SYNJ2: variants seen among roughly 807,000 people sequenced by gnomAD.
SYNJ2 encodes synaptojanin 2, also known as polyphosphatidylinositol phosphatase SYNJ2.
In SYNJ2, 116 loss-of-function variants were observed where a neutral mutation model predicts 141.3. That is an observed-to-expected ratio of 0.82 (90% CI 0.71 to 0.96). The LOEUF is 0.96. Among genes scored for constraint, SYNJ2 ranks in the 40% least tolerant of loss-of-function variants. The pLI, the probability that SYNJ2 is intolerant of heterozygous loss-of-function variation, is 0.00. For synonymous variants in SYNJ2, 745 were observed against 777.7 expected, an observed-to-expected ratio of 0.96 and a Z score of 0.70; for missense variants, 1,873 against 1,934.8, an observed-to-expected ratio of 0.97 and a Z score of 0.60.
intron 3 of SYNJ2, among the ~76,000 whole-genome samples, chr6:158,031,891 C>T (rs964466087): frequency 6.6e-6 from 1 of 152,138 alleles, no homozygotes; most frequent in African/African-American, 2.4e-5. Flanking sequence ...TTCTCCTGAG[C>T]CCTGGTGATA....
chr6:158,065,078 C>T lies in SYNJ2; in HGVS notation c.1525+87C>T, dbSNP rs6931323. On this transcript the variant is annotated intron_variant, in intron 11 of 26. Coordinates refer to ENST00000355585, the MANE Select transcript of SYNJ2 (RefSeq NM_003898.4). ...CACCGCCTCTGTGCTATCCAGAGAGCGGGTGGCAGAGGTGCCTGGGATCTG... is the reference window on the plus strand; with the variant it reads ...CACCGCCTCTGTGCTATCCAGAGAGTGGGTGGCAGAGGTGCCTGGGATCTG... 1,128,316 of 1,426,866 alleles carry T rather than the reference C, an allele frequency of 0.79. 447,534 individuals carry two copies. Among genetic ancestry groups the T allele is most frequent in the African/African-American group, 0.91 (63,044 of 69,600 alleles). The allele number at this position is 1,426,866 out of a possible 1,614,324, so 88.4% of individuals were successfully genotyped here.
chr6:158,095,733 C>T lies in SYNJ2; in HGVS notation c.3860C>T (p.Pro1287Leu), dbSNP rs1313574482. 6.2e-7 allele frequency: 1 copy of T among 1,614,184 alleles called. No individual in the cohort carries two copies. The highest frequency in any genetic ancestry group is 1.3e-5 in the African/African-American group (1 of 75,046). The stretch of plus-strand genomic sequence containing the variant: ...ACAGCCCCTCGAGTCCCTCCTGTTC[C>T]CAAACCAAGAACATTTCAGCCTGGG... ...VVTAPRVPPV[P>L]KPRTFQPGKA... The change falls in exon 27 of 27, where the codon CCC (proline) becomes CTC (leucine). Residue 1287 changes from proline (P) to leucine (L), a missense_variant. By Grantham distance (98) the Pro-to-Leu change is moderately conservative. Transcript: ENST00000355585.
rs1048210230 is a variant in SYNJ2, at chr6:158,030,917, T to C, written c.485+1891T>C. On this transcript the variant is annotated intron_variant, in intron 3 of 26. Transcript: ENST00000355585. ...CTCAAAATAAATAAATAAAATAAAA[T>C]AAATAAAATCGTGAATCTCATGCTG... The C allele has an allele frequency of 4.1e-4, 63 of 152,070 alleles. 1 individual carries two copies. Among genetic ancestry groups the C allele is most frequent in the Non-Finnish European group, 1.5e-5 (1 of 68,020 alleles). The allele number at this position is 152,070 out of a possible 1,614,324, so 9.4% of individuals were successfully genotyped here.
intron 5 of SYNJ2, among the ~76,000 whole-genome samples, chr6:158,046,608 C>T: frequency 6.6e-6 from 1 of 152,152 alleles, no homozygotes; most frequent in Non-Finnish European, 1.5e-5. Context: ...AACCCAGGAG[C>T]CCAGCAGGAT....
intron 4 of SYNJ2, among the ~76,000 whole-genome samples, chr6:158,035,796 T>G (rs944750668): frequency 1.3e-5 from 2 of 152,128 alleles, no homozygotes; most frequent in African/African-American, 4.8e-5. Flanking sequence ...AAATGGCTCT[T>G]ATTAGTTTGA....
chr6:157,987,284 G>A (rs2128313609), intron 1 of SYNJ2, among the ~76,000 whole-genome samples: 1 of 151,910 alleles, frequency 6.6e-6, no homozygotes, highest in South Asian at 2.1e-4. Flanking sequence ...ACTGTGCTAG[G>A]CCAACAGATT....
chr6:157,988,968 C>T lies in SYNJ2; in HGVS notation c.127+6880C>T, dbSNP rs1046130931. 6.6e-5 allele frequency among the ~76,000 whole-genome samples: 10 copies of T among 152,116 alleles called. No individual in the cohort carries two copies. The South Asian group carries it at 8.3e-4, about 13-fold the overall frequency. ...GGTACTGCTTCTTTTCGAGATCTCA[C>T]GGGCAGGAGCCTTCTGGCACTGTTC... On this transcript the variant is annotated intron_variant, in intron 1 of 26. Transcript: ENST00000355585.
chr6:157,984,149 A>T (rs1777113608), intron 1 of SYNJ2, among the ~76,000 whole-genome samples: 1 of 152,190 alleles, frequency 6.6e-6, no homozygotes, highest in Non-Finnish European at 1.5e-5. Flanking sequence ...CTGAAAACTT[A>T]ATTTTTTAAA....
At chr6:158,026,259 C>A (rs573002078) in intron 2 of SYNJ2, among the ~76,000 whole-genome samples, 8 of 152,340 alleles carry the variant, frequency 5.3e-5, no homozygotes, top group Non-Finnish European at 1.5e-5. Context: ...AGCACCAGCT[C>A]TGGGGCCAGA....
intron 1 of SYNJ2, among the ~76,000 whole-genome samples, chr6:157,994,498 G>A (rs1442217797): frequency 6.6e-6 from 1 of 152,236 alleles, no homozygotes; most frequent in African/African-American, 2.4e-5. Context: ...CCAGGCCCTT[G>A]TAACAAGGCC....
intron 23 of SYNJ2, 60 bp from the exon 24 acceptor site, chr6:158,088,600 G>T: frequency 1.5e-6 from 2 of 1,312,756 alleles, no homozygotes. Context: ...GCTCCTGGCA[G>T]CTGGCTGGGA....
At chr6:158,057,372 C>T (rs918636421) in intron 6 of SYNJ2, among the ~76,000 whole-genome samples, 1 of 152,076 alleles carries the variant, frequency 6.6e-6, no homozygotes, top group African/African-American at 2.4e-5. Context: ...TTACCTGGGT[C>T]GGCAGGGCCT....
Position 158,063,838 on chromosome 6 carries a change from G to C in SYNJ2, c.1175G>C (p.Arg392Pro). The C allele has an allele frequency of 6.2e-7, 1 of 1,613,660 alleles. No individual in the cohort carries two copies. ...ATGAACTGTCTTGACTGCCTGGACCGAACCAACACTGTGCAGAGCTTCATC... is the reference window on the plus strand; with the variant it reads ...ATGAACTGTCTTGACTGCCTGGACCCAACCAACACTGTGCAGAGCTTCATC... ...LRMNCLDCLD[R>P]TNTVQSFIAL... Residue 392 changes from arginine (R) to proline (P), a missense_variant, in exon 9 of 27, where the codon CGA becomes CCA. Transcript: ENST00000355585.
At chr6:158,038,785 C>T (rs1000755594) in intron 4 of SYNJ2, among the ~76,000 whole-genome samples, 2 of 152,230 alleles carry the variant, frequency 1.3e-5, no homozygotes, top group South Asian at 2.1e-4. Flanking sequence ...CCAGGTGGTA[C>T]TTCCGATAGG....
rs1184832660 is a variant in SYNJ2 at position 158,096,114 on chromosome 6, C to T, written c.4241C>T (p.Pro1414Leu). The T allele has an allele frequency of 2.5e-6, 4 of 1,614,124 alleles. No homozygotes were observed. In the South Asian group the frequency reaches 3.3e-5, roughly 13 times the overall value. ...CCACTTCTTGGTGATTATCAGGACC[C>T]CTTCTGGAACCTTCTTCACCACCCT... The part of the protein sequence containing the change: ...AAPLLGDYQD[P>L]FWNLLHHPKL... Residue 1414 changes from proline to leucine, a missense_variant, in exon 27 of 27, where the codon CCC (proline) becomes CTC (leucine). Physicochemically the swap from Pro to Leu is moderately conservative, Grantham distance 98 (BLOSUM62 -3). Transcript: ENST00000355585.
chr6:157,995,926 G>C (rs1583290166), intron 1 of SYNJ2, among the ~76,000 whole-genome samples: 2 of 152,190 alleles, frequency 1.3e-5, no homozygotes, highest in Non-Finnish European at 2.9e-5. Flanking sequence ...AAAGAAGAAA[G>C]CTATAGAACT....
intron 2 of SYNJ2, among the ~76,000 whole-genome samples, chr6:158,017,967 G>C (rs13203906): frequency 6.6e-6 from 1 of 152,224 alleles, no homozygotes; most frequent in African/African-American, 2.4e-5. Context: ...TACTCTAGAA[G>C]ATGTGCCAAG....
chr6:158,046,900 C>A lies in SYNJ2; in HGVS notation c.795+3501C>A, dbSNP rs975939010. 1.7e-4 allele frequency among the ~76,000 whole-genome samples: 24 copies of A among 140,900 alleles called. No homozygotes were observed. In the South Asian group the frequency reaches 4.6e-3, roughly 27 times the overall value. The allele number at this position is 140,900 out of a possible 152,430, so 92.4% of individuals were successfully genotyped here. A position where few individuals can be genotyped will look rare whatever the true frequency, so the allele number is the denominator to read the frequency against. On this transcript the variant is annotated intron_variant, in intron 5 of 26. Coordinates refer to ENST00000355585, the MANE Select transcript of SYNJ2 (RefSeq NM_003898.4). ...GGTCATTGTAGAAGCTTCCCCCCAC[C>A]ATATGCTGTATAGACACGTGCCTTG...
chr6:157,984,984 C>G (rs541853829), intron 1 of SYNJ2, among the ~76,000 whole-genome samples: 1 of 152,194 alleles, frequency 6.6e-6, no homozygotes, highest in South Asian at 2.1e-4. Context: ...TGCTCCGCTG[C>G]GGATGCACAT....
Sources: allele counts gnomAD v4.1 joint callset (sites outside exome capture counted in the v4.1 genomes callset), GRCh38; gene constraint gnomAD v4.1.1; transcripts MANE v1.5; gene names NCBI Gene and HGNC (gene_info 2026-07-23, HGNC 2026-07-21).